Variants in SSU72 observed in about 807,000 individuals in gnomAD.
The protein encoded by SSU72 is RNA polymerase II subunit A C-terminal domain phosphatase SSU72.
Under a neutral mutation model 22.7 loss-of-function variants are expected in SSU72, and 12 were observed. The ratio of observed to expected loss-of-function variants is 0.53; its 90% CI spans 0.34 to 0.86. The LOEUF is 0.86. Among genes scored for constraint, SSU72 ranks in the 40% least tolerant of loss-of-function variants. The pLI is 0.02. For missense variants in SSU72, 151 were observed against 249.8 expected (o/e 0.60, Z 2.67); for synonymous variants, 116 against 98.3 (o/e 1.18, Z -1.06).
chr1:1,568,365 G>A (rs566930449), intron 1 of SSU72, among the ~76,000 whole-genome samples: 1 of 152,254 alleles, frequency 6.6e-6, no homozygotes, highest in East Asian at 1.9e-4. Flanking sequence ...GACCAAGCAG[G>A]TGGATCACTT....
intron 2 of SSU72, among the ~76,000 whole-genome samples, chr1:1,551,858 G>A (rs1161931978): frequency 6.6e-6 from 1 of 152,188 alleles, no homozygotes; most frequent in Non-Finnish European, 1.5e-5. Flanking sequence ...GCCACGCCGG[G>A]CCACCACTAC....
intron 2 of SSU72, among the ~76,000 whole-genome samples, chr1:1,553,969 G>C (rs1455768376): frequency 6.6e-6 from 1 of 152,126 alleles, no homozygotes; most frequent in African/African-American, 2.4e-5. Flanking sequence ...TCTCAAGCAG[G>C]GATCCTCCTG....
rs369445117 is a variant in SSU72, at chr1:1,570,574, C to T, written c.80+3904G>A. On this transcript the variant is annotated intron_variant, in intron 1 of 4. Coordinates refer to ENST00000291386, the MANE Select transcript of SSU72 (RefSeq NM_014188.3). Reference sequence around the variant, plus strand: ...TCTGTGAGTCTCTGCAGGGACCCCCCCCACCCCAAAATCGGACTGCCAAAT... The same window carrying T: ...TCTGTGAGTCTCTGCAGGGACCCCCTCCACCCCAAAATCGGACTGCCAAAT... 2.1e-3 allele frequency among the ~76,000 whole-genome samples: 327 copies of T among 152,210 alleles called. 2 individuals carry two copies. Among genetic ancestry groups the T allele is most frequent in the African/African-American group, 7.5e-3 (311 of 41,526 alleles).
intron 2 of SSU72, among the ~76,000 whole-genome samples, chr1:1,555,059 G>A (rs564497624): frequency 1.4e-4 from 21 of 152,230 alleles, no homozygotes; most frequent in Middle Eastern, 3.4e-3. Flanking sequence ...ACACACCCAC[G>A]AGGGGGGCCA....
At chr1:1,571,452 A>C (rs1185300269) in intron 1 of SSU72, among the ~76,000 whole-genome samples, 2 of 146,612 alleles carry the variant, frequency 1.4e-5, no homozygotes, top group Non-Finnish European at 1.5e-5. Context: ...AAAAAAAAGG[A>C]AATTGAAGGT....
At chr1:1,572,877 TGG>T (rs80340276) in intron 1 of SSU72, among the ~76,000 whole-genome samples, 8,871 of 83,718 alleles carry the variant, frequency 0.11, 792 homozygotes, top group East Asian at 0.32. Flanking sequence ...AATTTTGTCT[TGG>T]GGGGGGGGGG....
chr1:1,573,437 A>G (rs1449800933), intron 1 of SSU72, among the ~76,000 whole-genome samples: 2 of 45,416 alleles, frequency 4.4e-5, no homozygotes, highest in East Asian at 0.02. Flanking sequence ...CTCAAAAAAA[A>G]AAAAAAAAAA....
chr1:1,560,918 T>C (rs1642582551), intron 2 of SSU72: 1 of 152,252 alleles, frequency 6.6e-6, no homozygotes, highest in Non-Finnish European at 1.5e-5. Context: ...GCTCAGTGTG[T>C]GCATGTCCTA....
intron 1 of SSU72, among the ~76,000 whole-genome samples, chr1:1,573,451 AAAAAAG>A (rs1642764585): frequency 8.2e-6 from 1 of 122,502 alleles, no homozygotes; most frequent in Non-Finnish European, 1.6e-5. Flanking sequence ...AAAAAAAAAA[AAAAAAG>A]AAAGAAAAGA....
chr1:1,552,143 C>T (rs886735732), intron 2 of SSU72, among the ~76,000 whole-genome samples: 3 of 152,074 alleles, frequency 2.0e-5, no homozygotes, highest in African/African-American at 7.3e-5. Context: ...ACCATCCTCA[C>T]GCTGGCCGCG....
chr1:1,572,828 C>T (rs1188912899), intron 1 of SSU72, among the ~76,000 whole-genome samples: 1 of 138,604 alleles, frequency 7.2e-6, no homozygotes, highest in Non-Finnish European at 1.5e-5. Context: ...CCAGCAGAAC[C>T]AGAAGGTCTC....
intron 1 of SSU72, among the ~76,000 whole-genome samples, chr1:1,565,720 G>A (rs1225496966): frequency 2.6e-5 from 4 of 152,258 alleles, no homozygotes; most frequent in Non-Finnish European, 4.4e-5. Flanking sequence ...CGATGGGTCC[G>A]ACGGTGCTTG....
intron 2 of SSU72, among the ~76,000 whole-genome samples, chr1:1,552,346 T>C (rs1642464575): frequency 6.6e-6 from 1 of 152,244 alleles, no homozygotes; most frequent in South Asian, 2.1e-4. Flanking sequence ...TGATCGTCCC[T>C]GTGCGGCCTC....
chr1:1,548,230 A>G (rs930766175), intron 2 of SSU72, among the ~76,000 whole-genome samples: 1 of 152,236 alleles, frequency 6.6e-6, no homozygotes, highest in Admixed American at 6.5e-5. Context: ...ACAGAGGCAC[A>G]CAGGAGCCTC....
At chr1:1,546,655 G>A (rs1324780940) in intron 2 of SSU72, among the ~76,000 whole-genome samples, 1 of 151,968 alleles carries the variant, frequency 6.6e-6, no homozygotes, top group Non-Finnish European at 1.5e-5. Context: ...TGGCCAAGAT[G>A]GTGAAACCCC....
chr1:1,547,464 C>T (rs1041547600), intron 2 of SSU72, among the ~76,000 whole-genome samples: 1 of 152,282 alleles, frequency 6.6e-6, no homozygotes, highest in Non-Finnish European at 1.5e-5. Flanking sequence ...AGCCACCCTT[C>T]TGGATCTCCT....
intron 2 of SSU72, among the ~76,000 whole-genome samples, chr1:1,548,375 G>C (rs1642418329): frequency 6.6e-6 from 1 of 152,158 alleles, no homozygotes; most frequent in South Asian, 2.1e-4. Context: ...TGGCCAATAT[G>C]GTGAAACTCA....
chr1:1,550,860 G>A (rs771370390), intron 2 of SSU72, among the ~76,000 whole-genome samples: 4 of 152,240 alleles, frequency 2.6e-5, no homozygotes, highest in Middle Eastern at 3.4e-3. Flanking sequence ...CCCACCACAC[G>A]CCCCTCCCTC....
At chr1:1,550,694 G>A (rs1373884100) in intron 2 of SSU72, among the ~76,000 whole-genome samples, 2 of 152,190 alleles carry the variant, frequency 1.3e-5, no homozygotes, top group East Asian at 3.9e-4. Context: ...GTTCTGTTGT[G>A]GGAGGAAGAT....
Sources: allele counts gnomAD v4.1 joint callset (sites outside exome capture counted in the v4.1 genomes callset), GRCh38; gene constraint gnomAD v4.1.1; transcripts MANE v1.5; gene names NCBI Gene and HGNC (gene_info 2026-07-23, HGNC 2026-07-21).